GPN3: variants seen among roughly 807,000 people sequenced by gnomAD.
GPN3 encodes the protein GPN-loop GTPase 3, also known as ATP-binding domain 1 family member C.
Under a neutral mutation model 38.7 loss-of-function variants are expected in GPN3, and 31 were observed. The observed-to-expected ratio is 0.80, with a 90% CI of 0.60 to 1.08. The LOEUF is 1.08. Ranked by LOEUF, GPN3 falls within the 50% of genes least tolerant of loss-of-function variation. GPN3 has a pLI of 0.00. For missense variants in GPN3, 301 were observed against 354.4 expected, an observed-to-expected ratio of 0.85 and a Z score of 1.21; for synonymous variants, 116 against 120.2, an observed-to-expected ratio of 0.96 and a Z score of 0.23.
At chr12:110,464,238 C>G (rs1226916938) in intron 2 of GPN3, among the ~76,000 whole-genome samples, 1 of 152,158 alleles carries the variant, frequency 6.6e-6, no homozygotes, top group Non-Finnish European at 1.5e-5. Flanking sequence ...ATCCCCTCCT[C>G]AGAGTCACCA....
intron 1 of GPN3, 45 bp from the exon 2 acceptor site, chr12:110,465,259 A>T: frequency 6.8e-6 from 7 of 1,029,240 alleles, no homozygotes; most frequent in Non-Finnish European, 1.1e-5. Context: ...CAGGTAGTGT[A>T]GTGCTACCTT....
At chr12:110,465,605 G>C (rs935585645) in intron 1 of GPN3, among the ~76,000 whole-genome samples, 5 of 152,188 alleles carry the variant, frequency 3.3e-5, no homozygotes, top group Non-Finnish European at 7.3e-5. Flanking sequence ...GATGGTCAGG[G>C]ATGATGTCTC....
At chr12:110,466,016 G>A (rs544092916) in intron 1 of GPN3, among the ~76,000 whole-genome samples, 7 of 151,762 alleles carry the variant, frequency 4.6e-5, no homozygotes, top group Non-Finnish European at 8.8e-5. Context: ...GGCAGAGGTC[G>A]CAGTGAGCTG....
intron 2 of GPN3, 71 bp from the exon 3 acceptor site, chr12:110,459,933 C>T: frequency 7.9e-7 from 1 of 1,263,622 alleles, no homozygotes; most frequent in Non-Finnish European, 1.1e-6. Flanking sequence ...AGAAATAGAA[C>T]ATAAAAGTTA....
rs1253141494 is a variant in GPN3 at position 110,461,158 on chromosome 12, G to A, written c.158-1296C>T. ...TTCAGAAATTTGCCATGAAGGAGAT[G>A]GGAACTCCAGATGTGCGCATTGATA... On this transcript the variant is annotated intron_variant, in intron 2 of 7. Coordinates refer to ENST00000228827, the MANE Select transcript of GPN3 (RefSeq NM_016301.4). 41 of 1,304,582 alleles carry A rather than the reference G, an allele frequency of 3.1e-5. No homozygotes were observed. In the East Asian group the frequency reaches 6.7e-4, roughly 21 times the overall value. 80.8% of individuals were successfully genotyped at this position (1,304,582 alleles called of 1,614,324 possible).
chr12:110,466,947 A>T (rs2062633939), intron 1 of GPN3, among the ~76,000 whole-genome samples: 1 of 151,938 alleles, frequency 6.6e-6, no homozygotes, highest in Non-Finnish European at 1.5e-5. Context: ...TGTTTGTTAA[A>T]GACTGAGGCC....
rs1213888198 is a variant in GPN3, at chr12:110,452,559, A to G, written c.*475T>C. On this transcript the variant is annotated 3_prime_UTR_variant, in exon 8 of 8. Coordinates refer to ENST00000228827, the MANE Select transcript of GPN3 (RefSeq NM_016301.4). ...TATATACACATACATATCTCAAAACATAGTTATTTTTACTTTTTAAGTTAT... is the reference window on the plus strand; with the variant it reads ...TATATACACATACATATCTCAAAACGTAGTTATTTTTACTTTTTAAGTTAT... 6.2e-6 allele frequency: 1 copy of G among 160,160 alleles called. No homozygotes were observed. The highest frequency in any genetic ancestry group is 1.9e-4 in the East Asian group (1 of 5,336). The allele number at this position is 160,160 out of a possible 1,614,324, so 9.9% of individuals were successfully genotyped here. A position where few individuals can be genotyped will look rare whatever the true frequency, so the allele number is the denominator to read the frequency against.
chr12:110,459,681 A>C lies in GPN3; in HGVS notation c.325+14T>G, dbSNP rs767005674. ...GACTTTAAGGAAGACAATGCATTCA[A>C]ATTGTTGATTCACCTGGACAATCAA... On this transcript the variant is annotated intron_variant, in intron 3 of 7. Transcript: ENST00000228827. 3.2e-6 allele frequency: 5 copies of C among 1,575,664 alleles called. No individual in the cohort carries two copies. In the Admixed American group the frequency reaches 8.4e-5, roughly 26 times the overall value.
intron 2 of GPN3, chr12:110,461,189 C>T: frequency 1.6e-6 from 2 of 1,281,548 alleles, no homozygotes; most frequent in Admixed American, 1.7e-5. Flanking sequence ...TGATACCAGG[C>T]TCAACAAAGC....
At position 110,458,051 on chromosome 12, in the gene GPN3, G is replaced by A. The variant is rs1197008963; in HGVS notation, c.326-417C>T. Among the ~76,000 whole-genome samples the A allele has an allele frequency of 1.3e-5, 2 of 152,062 alleles. No homozygotes were observed. The highest frequency in any genetic ancestry group is 2.9e-5 in the Non-Finnish European group (2 of 68,032). ...GAATTGCTTAAACCCGGGAGGAGGA[G>A]GCTGCAGTGAGCCAAGATCACGCCA... On this transcript the variant is annotated intron_variant, in intron 3 of 7. Transcript: ENST00000228827. The surrounding 1 kb of genome is among the most constrained non-coding windows in gnomAD (Gnocchi z 4.4).
intron 1 of GPN3, among the ~76,000 whole-genome samples, chr12:110,467,292 G>C (rs2062638947): frequency 6.6e-6 from 1 of 152,078 alleles, no homozygotes; most frequent in Non-Finnish European, 1.5e-5. Flanking sequence ...GCCTGGCTAT[G>C]TTTCCCACAC....
In GPN3 at chr12:110,458,862, C is replaced by T. The variant is rs1481156669; in HGVS notation, c.325+833G>A. 6.6e-6 allele frequency among the ~76,000 whole-genome samples: 1 copy of T among 152,132 alleles called. No homozygotes were observed. Among genetic ancestry groups the T allele is most frequent in the East Asian group, 1.9e-4 (1 of 5,186 alleles). On this transcript the variant is annotated intron_variant, in intron 3 of 7. Transcript: ENST00000228827. This position sits in a 1 kb window ranked among gnomAD's most constrained non-coding sequence, Gnocchi z 4.4. The stretch of plus-strand genomic sequence containing the variant: ...GCTATTATCTGTCTCCTACCAGTCA[C>T]ACCTCATGACAATTGCCTCTTTGTT...
At chr12:110,455,742 T>G in intron 5 of GPN3, 60 bp from the exon 6 acceptor site, 2 of 1,041,858 alleles carry the variant, frequency 1.9e-6, no homozygotes. Flanking sequence ...CAGCCAAACT[T>G]CCCATCTAAA....
chr12:110,459,135 G>A (rs868791468), intron 3 of GPN3, among the ~76,000 whole-genome samples: 9 of 152,126 alleles, frequency 5.9e-5, no homozygotes, highest in Non-Finnish European at 4.4e-5. Flanking sequence ...GTACTGTCTC[G>A]AGTTCTGCCA....
chr12:110,455,711 C>T, intron 5 of GPN3, 29 bp from the exon 6 acceptor site: 1 of 1,056,268 alleles, frequency 9.5e-7, no homozygotes, highest in South Asian at 1.3e-5. Flanking sequence ...CTGATGAATT[C>T]AGGAGACTAG....
chr12:110,453,195 C>T (rs998066615), intron 7 of GPN3, 99 bp from the exon 8 acceptor site: 1 of 616,190 alleles, frequency 1.6e-6, no homozygotes, highest in African/African-American at 1.9e-5. Context: ...CTATGTGGAA[C>T]TAATTACCCA....
rs1402565284 is a variant in GPN3 at position 110,452,571 on chromosome 12, ACTTTTT to A, written c.*457_*462del. 1.3e-5 allele frequency: 2 copies of A among 159,718 alleles called. No homozygotes were observed. The highest frequency in any genetic ancestry group is 1.2e-4 in the Admixed American group (2 of 16,760). The allele number at this position is 159,718 out of a possible 1,614,324, so 9.9% of individuals were successfully genotyped here. The stretch of plus-strand genomic sequence containing the variant: ...CATATCTCAAAACATAGTTATTTTT[ACTTTTT>A]AAGTTATATAAATAATATACATTTT... On this transcript the variant is annotated 3_prime_UTR_variant, in exon 8 of 8. Coordinates refer to ENST00000228827, the MANE Select transcript of GPN3 (RefSeq NM_016301.4).
In GPN3 at chr12:110,457,616, G is replaced by A. The variant is rs1207902613; in HGVS notation, c.344C>T (p.Thr115Ile). 5 of 1,601,022 alleles carry A rather than the reference G, an allele frequency of 3.1e-6. No individual in the cohort carries two copies. Among genetic ancestry groups the A allele is most frequent in the Non-Finnish European group, 4.3e-6 (5 of 1,172,110 alleles). ...FDCPGQIELY[T>I]HLPVMKQLVQ... ...CAGCTGTTTCATCACAGGCAGGTGA[G>A]TGTACAACTCAATCTGACCTACATG... The change falls in exon 4 of 8, where the codon ACT becomes ATT. Residue 115 changes from threonine (T) to isoleucine (I), a missense_variant. Thr to Ile is a moderately conservative substitution (Grantham distance 89). Transcript: ENST00000228827.
In GPN3 at chr12:110,455,701, C is replaced by T. The variant is rs376656378; in HGVS notation, c.567-19G>A. The T allele has an allele frequency of 3.5e-5, 38 of 1,098,308 alleles. No homozygotes were observed. In the African/African-American group the frequency reaches 5.4e-4, roughly 16 times the overall value. The allele number at this position is 1,098,308 out of a possible 1,614,324, so 68.0% of individuals were successfully genotyped here. Reference sequence around the variant, plus strand: ...TAAAAATCTTTAAAAGACAGAAAGACTGATGAATTCAGGAGACTAGGTTTA... The same window carrying T: ...TAAAAATCTTTAAAAGACAGAAAGATTGATGAATTCAGGAGACTAGGTTTA... On this transcript the variant is annotated intron_variant, in intron 5 of 7. Coordinates refer to ENST00000228827, the MANE Select transcript of GPN3 (RefSeq NM_016301.4).
Sources: gnomAD v4.1 joint callset for allele counts (sites outside exome capture counted in the v4.1 genomes callset) on GRCh38, gnomAD v4.1.1 for gene constraint, Gnocchi (gnomAD v3.1) non-coding constraint, MANE v1.5 for transcripts, NCBI Gene and HGNC (gene_info 2026-07-23, HGNC 2026-07-21) for gene names.